The following TFCP2L1 variants were observed in gnomAD, a reference collection of about 807,000 sequenced individuals.
TFCP2L1 encodes the protein transcription factor CP2 like 1.
In TFCP2L1, 12 loss-of-function variants were observed where a neutral mutation model predicts 72.2. That is an observed-to-expected ratio of 0.17 (90% CI 0.11 to 0.27). TFCP2L1 has a LOEUF of 0.27. TFCP2L1 is among the 10% of genes least tolerant of loss of function. TFCP2L1 has a pLI of 1.00. For synonymous variants in TFCP2L1, 260 were observed against 251.0 expected (o/e 1.04, Z -0.34); for missense variants, 488 against 624.6 (o/e 0.78, Z 2.33).
At chr2:121,279,808 C>T (rs1274041273) in intron 2 of TFCP2L1, among the ~76,000 whole-genome samples, 1 of 152,178 alleles carries the variant, frequency 6.6e-6, no homozygotes, top group Non-Finnish European at 1.5e-5. Context: ...TCTGCTCTGC[C>T]CATTGAAAGT....
intron 1 of TFCP2L1, among the ~76,000 whole-genome samples, chr2:121,283,450 G>T (rs1218351181): frequency 6.6e-6 from 1 of 152,270 alleles, no homozygotes; most frequent in African/African-American, 2.4e-5. Context: ...ATAAAAAAGG[G>T]CAAGGACTTC....
intron 11 of TFCP2L1, among the ~76,000 whole-genome samples, chr2:121,234,677 A>C (rs1686207778): frequency 6.6e-6 from 1 of 152,234 alleles, no homozygotes; most frequent in South Asian, 2.1e-4. Context: ...ATTAAAACTT[A>C]AATTCACTAA....
intron 4 of TFCP2L1, 81 bp downstream of exon 4, chr2:121,248,901 G>T: frequency 8.6e-7 from 1 of 1,166,622 alleles, no homozygotes; most frequent in Non-Finnish European, 1.2e-6. Context: ...CTCGGCATAG[G>T]TCCGGGTGGC....
Position 121,239,663 on chromosome 2 carries a change from C to G in TFCP2L1, c.769-14G>C. ...CCATGGAGAGCACTGCAGGAGAGAG[C>G]ACAGGGCGAGCTGGGATCTGGAGAG... On this transcript the variant is annotated splice_polypyrimidine_tract_variant and intron_variant, in intron 7 of 14. Coordinates refer to ENST00000263707, the MANE Select transcript of TFCP2L1 (RefSeq NM_014553.3). 6.2e-7 allele frequency: 1 copy of G among 1,611,656 alleles called. No homozygotes were observed. The highest frequency in any genetic ancestry group is 8.5e-7 in the Non-Finnish European group (1 of 1,178,570).
intron 2 of TFCP2L1, among the ~76,000 whole-genome samples, chr2:121,268,245 GT>G (rs1401073308): frequency 6.6e-6 from 1 of 152,222 alleles, no homozygotes; most frequent in Non-Finnish European, 1.5e-5. Flanking sequence ...GTTCTTTGTT[GT>G]TTTTTTCTTT....
At chr2:121,279,522 C>T (rs192612832) in intron 2 of TFCP2L1, among the ~76,000 whole-genome samples, 4 of 152,320 alleles carry the variant, frequency 2.6e-5, no homozygotes, top group Admixed American at 2.0e-4. Context: ...CCTTCCACTG[C>T]GGCCCCTCCA....
intron 8 of TFCP2L1, among the ~76,000 whole-genome samples, chr2:121,239,293 C>T (rs1686312983): frequency 6.6e-6 from 1 of 152,216 alleles, no homozygotes. Context: ...CAGAGGCTGT[C>T]TTGGGTGGCT....
At chr2:121,250,812 A>G (rs545679868) in intron 2 of TFCP2L1, among the ~76,000 whole-genome samples, 78 of 151,726 alleles carry the variant, frequency 5.1e-4, no homozygotes, top group East Asian at 2.5e-3. Context: ...TCACCATGTT[A>G]GCCAGGCTGG....
rs202144839 is a variant in TFCP2L1, at chr2:121,281,282, C to A, written c.63-11G>T. On this transcript the variant is annotated splice_polypyrimidine_tract_variant and intron_variant, in intron 1 of 14. Transcript: ENST00000263707. The stretch of plus-strand genomic sequence containing the variant: ...AGAGCGAGCACATCACTGCAACACA[C>A]GGGAAGCAGAGGTCAGGAGCAGAGC... 1 of 1,587,132 alleles carries A rather than the reference C, an allele frequency of 6.3e-7. No homozygotes were observed. Among genetic ancestry groups the A allele is most frequent in the Non-Finnish European group, 8.6e-7 (1 of 1,168,516 alleles).
intron 6 of TFCP2L1, among the ~76,000 whole-genome samples, chr2:121,245,750 C>T (rs935265545): frequency 1.3e-5 from 2 of 152,198 alleles, no homozygotes; most frequent in South Asian, 2.1e-4. Flanking sequence ...TGAGAAATGG[C>T]ACCATCCCTG....
intron 2 of TFCP2L1, among the ~76,000 whole-genome samples, chr2:121,253,045 G>A (rs182503486): frequency 5.3e-5 from 8 of 152,274 alleles, no homozygotes; most frequent in Non-Finnish European, 7.3e-5. Flanking sequence ...TGCCAAATGC[G>A]GTGGGTGGGA....
At chr2:121,266,450 T>C (rs1021534066) in intron 2 of TFCP2L1, among the ~76,000 whole-genome samples, 2 of 152,164 alleles carry the variant, frequency 1.3e-5, no homozygotes, top group African/African-American at 4.8e-5. Context: ...GGTGAGAGTG[T>C]AAAGTTTATT....
intron 2 of TFCP2L1, among the ~76,000 whole-genome samples, chr2:121,260,291 C>T (rs943736990): frequency 1.6e-4 from 22 of 133,776 alleles, no homozygotes; most frequent in African/African-American, 3.8e-4. Context: ...GATACACCAC[C>T]GGGGTTGACT....
intron 13 of TFCP2L1, among the ~76,000 whole-genome samples, chr2:121,227,438 G>C (rs13416053): frequency 1.3e-5 from 2 of 151,564 alleles, no homozygotes; most frequent in Non-Finnish European, 2.9e-5. Flanking sequence ...TCCCAGGACT[G>C]TGGGAGGCCA....
Position 121,242,395 on chromosome 2 carries a change from T to G in TFCP2L1, c.732A>C (p.Lys244Asn). 2 of 1,614,204 alleles carry G rather than the reference T, an allele frequency of 1.2e-6. No individual in the cohort carries two copies. The highest frequency in any genetic ancestry group is 1.7e-6 in the Non-Finnish European group (2 of 1,180,038). ...MEKRTAQEKEKYQPSYETTIL... is the reference protein window; with the variant it reads ...MEKRTAQEKENYQPSYETTIL... Reference sequence around the variant, plus strand: ...TGGTGGTTTCATAGGACGGCTGGTATTTCTCCTTCTCTTGGGCAGTTCTTT... The same window carrying G: ...TGGTGGTTTCATAGGACGGCTGGTAGTTCTCCTTCTCTTGGGCAGTTCTTT... The change falls in exon 7 of 15, where the codon AAA becomes AAC. Residue 244 changes from lysine to asparagine, a missense_variant. Lys to Asn is a moderately conservative substitution (Grantham distance 94). Coordinates refer to ENST00000263707, the MANE Select transcript of TFCP2L1 (RefSeq NM_014553.3).
At chr2:121,263,342 AACTG>A (rs760286293) in intron 2 of TFCP2L1, among the ~76,000 whole-genome samples, 1 of 152,210 alleles carries the variant, frequency 6.6e-6, no homozygotes, top group Non-Finnish European at 1.5e-5. Flanking sequence ...AACTGTAGAT[AACTG>A]ACTGATTTTG....
chr2:121,237,644 G>T lies in TFCP2L1; in HGVS notation c.982C>A (p.Arg328=). 3 of 1,614,124 alleles carry T rather than the reference G, an allele frequency of 1.9e-6. No individual in the cohort carries two copies. Among genetic ancestry groups the T allele is most frequent in the Non-Finnish European group, 8.5e-7 (1 of 1,180,044 alleles). Residue 328 remains arginine (R), a synonymous_variant, in exon 10 of 15, where the codon CGG becomes AGG. Transcript: ENST00000263707. ...LHRNRFSQFC[R]LFASFSGADL... is the part of the protein sequence containing the mutation. The stretch of plus-strand genomic sequence containing the variant: ...TCACCTGAGAAGCTGGCAAAGAGCC[G>T]GCAGAACTGCGAGAACCTGTTGCGG...
rs949354406 is a variant in TFCP2L1 at position 121,225,701 on chromosome 2, G to A, written c.1342-88C>T. The A allele has an allele frequency of 9.1e-5, 130 of 1,424,564 alleles. 1 individual carries two copies. The African/African-American group carries it at 1.4e-3, about 16-fold the overall frequency. 88.2% of individuals were successfully genotyped at this position (1,424,564 alleles called of 1,614,324 possible). On this transcript the variant is annotated intron_variant, in intron 13 of 14. Transcript: ENST00000263707. ...TGGCAGAGCCTAGCCATGCGCAGCT[G>A]CAGAAACACCACTGCCAAGCCACTG... is the stretch of plus-strand genomic sequence containing the variant.
intron 11 of TFCP2L1, among the ~76,000 whole-genome samples, chr2:121,234,545 C>T (rs144433173): frequency 6.5e-4 from 99 of 152,350 alleles, no homozygotes; most frequent in African/African-American, 2.4e-3. Flanking sequence ...TCTCATTCCA[C>T]AGTTGAGCAA....
Sources: gnomAD v4.1 joint callset for allele counts (sites outside exome capture counted in the v4.1 genomes callset) on GRCh38, gnomAD v4.1.1 for gene constraint, MANE v1.5 for transcripts, NCBI Gene and HGNC (gene_info 2026-07-23, HGNC 2026-07-21) for gene names.